The following EXOC6B variants were observed in gnomAD, a reference collection of about 807,000 sequenced individuals.
EXOC6B encodes exocyst complex component 6B.
A neutral mutation model predicts 113.5 loss-of-function variants in EXOC6B; 54 were observed. The observed-to-expected ratio is 0.48, with a 90% CI of 0.38 to 0.60. The LOEUF (loss-of-function observed/expected upper bound fraction) is 0.60, where lower values mean the gene tolerates loss of function less well. Among genes scored for constraint, EXOC6B ranks in the 20% least tolerant of loss-of-function variants. The probability of loss-of-function intolerance (pLI) is 0.00; values close to 1 mark genes in which losing one functional copy is unlikely to be tolerated. For missense variants in EXOC6B, 797 were observed against 977.5 expected, an observed-to-expected ratio of 0.82 and a Z score of 2.46; for synonymous variants, 357 against 339.0, an observed-to-expected ratio of 1.05 and a Z score of -0.58.
At chr2:72,511,438 T>G (rs1700888414) in intron 11 of EXOC6B, among the ~76,000 whole-genome samples, 1 of 152,064 alleles carries the variant, frequency 6.6e-6, no homozygotes, top group South Asian at 2.1e-4. Context: ...TAATCTTACT[T>G]CCTAAAAATC....
At chr2:72,217,899 A>G (rs898088765) in intron 20 of EXOC6B, among the ~76,000 whole-genome samples, 1 of 152,220 alleles carries the variant, frequency 6.6e-6, no homozygotes, top group Admixed American at 6.5e-5. Context: ...TAATATGGTC[A>G]TTATGTACCA....
chr2:72,711,885 T>C (rs1679295012), intron 6 of EXOC6B, among the ~76,000 whole-genome samples: 1 of 152,158 alleles, frequency 6.6e-6, no homozygotes, highest in Non-Finnish European at 1.5e-5. Context: ...ATCACACTAC[T>C]CCAGTGAACA....
At chr2:72,733,725 C>G (rs1680781389) in intron 2 of EXOC6B, among the ~76,000 whole-genome samples, 1 of 152,244 alleles carries the variant, frequency 6.6e-6, no homozygotes, top group South Asian at 2.1e-4. Flanking sequence ...ATGGCATCTA[C>G]TTTTTTTGAT....
chr2:72,815,048 T>TA (rs1208451985), intron 1 of EXOC6B, among the ~76,000 whole-genome samples: 1 of 152,178 alleles, frequency 6.6e-6, no homozygotes, highest in East Asian at 1.9e-4. Context: ...ATGACTAAAA[T>TA]AATAAAGAGG....
chr2:72,612,963 A>T (rs1003799392), intron 6 of EXOC6B, among the ~76,000 whole-genome samples: 5 of 152,192 alleles, frequency 3.3e-5, no homozygotes, highest in African/African-American at 1.2e-4. Flanking sequence ...GCTCAGTAGC[A>T]TTTGGGGTTT....
At chr2:72,618,373 AAAAAG>A (rs965541013) in intron 6 of EXOC6B, among the ~76,000 whole-genome samples, 6 of 152,276 alleles carry the variant, frequency 3.9e-5, no homozygotes, top group South Asian at 2.1e-4. Flanking sequence ...CCATCTCAAA[AAAAAG>A]AAAAGAAAAG....
chr2:72,252,638 T>C (rs984063425), intron 20 of EXOC6B, among the ~76,000 whole-genome samples: 2 of 152,220 alleles, frequency 1.3e-5, no homozygotes, highest in African/African-American at 4.8e-5. Flanking sequence ...ATGGTAATGA[T>C]AATACCTGCT....
intron 1 of EXOC6B, among the ~76,000 whole-genome samples, chr2:72,788,600 C>G (rs1262761571): frequency 6.6e-6 from 1 of 152,134 alleles, no homozygotes; most frequent in African/African-American, 2.4e-5. Context: ...TGTTTGAGAC[C>G]AGCCTGGGCA....
chr2:72,260,373 C>T (rs1683640171), intron 20 of EXOC6B, among the ~76,000 whole-genome samples: 1 of 152,166 alleles, frequency 6.6e-6, no homozygotes, highest in Admixed American at 6.6e-5. Context: ...TTCTTTGTAT[C>T]CAGCCTGTAG....
intron 1 of EXOC6B, among the ~76,000 whole-genome samples, chr2:72,773,341 G>A (rs750649143): frequency 6.6e-6 from 1 of 150,450 alleles, no homozygotes; most frequent in Non-Finnish European, 1.5e-5. Flanking sequence ...TGTTGCTCAG[G>A]TTGGTCAGGA....
chr2:72,761,793 A>G (rs1197553167), intron 1 of EXOC6B, among the ~76,000 whole-genome samples: 1 of 152,160 alleles, frequency 6.6e-6, no homozygotes, highest in African/African-American at 2.4e-5. Flanking sequence ...GAAATATATA[A>G]GAAACCACAA....
chr2:72,310,864 C>CAG (rs1687144831), intron 20 of EXOC6B, among the ~76,000 whole-genome samples: 1 of 131,418 alleles, frequency 7.6e-6, no homozygotes, highest in Non-Finnish European at 1.5e-5. Context: ...CACACACACA[C>CAG]ACACACACAC....
chr2:72,525,793 C>T (rs1329585800), intron 8 of EXOC6B, among the ~76,000 whole-genome samples: 3 of 152,056 alleles, frequency 2.0e-5, no homozygotes, highest in Admixed American at 6.6e-5. Flanking sequence ...TTTTCTTCAG[C>T]GGTCCATAAC....
chr2:72,236,708 C>G (rs1329045357), intron 20 of EXOC6B, among the ~76,000 whole-genome samples: 1 of 151,998 alleles, frequency 6.6e-6, no homozygotes, highest in East Asian at 1.9e-4. Context: ...TGGTTATTTT[C>G]CTGGCAACTT....
chr2:72,556,919 T>C (rs1703577975), intron 8 of EXOC6B, among the ~76,000 whole-genome samples: 1 of 151,168 alleles, frequency 6.6e-6, no homozygotes, highest in Non-Finnish European at 1.5e-5. Flanking sequence ...GTATCTACAA[T>C]ATATGAGGAA....
chr2:72,469,950 CTT>C (rs1432342981), intron 17 of EXOC6B, among the ~76,000 whole-genome samples: 2 of 152,040 alleles, frequency 1.3e-5, no homozygotes, highest in Non-Finnish European at 2.9e-5. Flanking sequence ...TAGTAAGTAA[CTT>C]TGAAAAATTT....
chr2:72,553,611 T>C (rs1703365109), intron 8 of EXOC6B, among the ~76,000 whole-genome samples: 1 of 152,076 alleles, frequency 6.6e-6, no homozygotes, highest in Non-Finnish European at 1.5e-5. Flanking sequence ...AAATTTAGTA[T>C]ATGCCAGAGG....
chr2:72,621,777 T>C (rs1671762729), intron 6 of EXOC6B, among the ~76,000 whole-genome samples: 1 of 152,136 alleles, frequency 6.6e-6, no homozygotes, highest in Non-Finnish European at 1.5e-5. Flanking sequence ...ATCAGATACA[T>C]ATAGAATAAT....
intron 1 of EXOC6B, among the ~76,000 whole-genome samples, chr2:72,776,203 A>G (rs1683692559): frequency 6.6e-6 from 1 of 152,216 alleles, no homozygotes; most frequent in Admixed American, 6.5e-5. Flanking sequence ...CCAATACTAC[A>G]TATCTAAAAG....
Sources: gnomAD v4.1 joint callset for allele counts (sites outside exome capture counted in the v4.1 genomes callset) on GRCh38, gnomAD v4.1.1 for gene constraint, MANE v1.5 for transcripts, NCBI Gene and HGNC (gene_info 2026-07-23, HGNC 2026-07-21) for gene names.